The following DUSP10 variants were observed in gnomAD, a reference collection of about 807,000 sequenced individuals.
DUSP10 encodes the protein dual specificity phosphatase 10, also known as dual specificity protein phosphatase 10.
In DUSP10, 14 loss-of-function variants were observed where a neutral mutation model predicts 30.8. The observed-to-expected ratio is 0.46, with a 90% CI of 0.30 to 0.71. The LOEUF is 0.71. Ranked by LOEUF, DUSP10 falls within the 30% of genes least tolerant of loss-of-function variation. The pLI is 0.08. For synonymous variants in DUSP10, 254 were observed against 250.4 expected, an observed-to-expected ratio of 1.01 and a Z score of -0.14; for missense variants, 550 against 619.4, an observed-to-expected ratio of 0.89 and a Z score of 1.19.
At chr1:221,737,547 C>T in intron 2 of DUSP10, 6 of 778,262 alleles carry the variant, frequency 7.7e-6, no homozygotes, top group Non-Finnish European at 9.4e-6. Context: ...ACCACCACGA[C>T]CAGGAAATGT....
At chr1:221,707,002 A>G (rs1268812558) in intron 2 of DUSP10, among the ~76,000 whole-genome samples, 1 of 152,188 alleles carries the variant, frequency 6.6e-6, no homozygotes, top group African/African-American at 2.4e-5. Context: ...GGTTATCTTG[A>G]TTATAATCTG....
At chr1:221,727,749 T>C (rs188577668) in intron 2 of DUSP10, among the ~76,000 whole-genome samples, 57 of 152,322 alleles carry the variant, frequency 3.7e-4, no homozygotes, top group African/African-American at 1.3e-3. Context: ...TGATTACTTT[T>C]ATATTTCAGA....
At chr1:221,740,068 C>G (rs1280809201) in intron 1 of DUSP10, among the ~76,000 whole-genome samples, 1 of 152,164 alleles carries the variant, frequency 6.6e-6, no homozygotes, top group African/African-American at 2.4e-5. Flanking sequence ...AAAAGTTCAG[C>G]TGTAGAGAAG....
chr1:221,718,671 C>T (rs1661189717), intron 2 of DUSP10, among the ~76,000 whole-genome samples: 1 of 152,140 alleles, frequency 6.6e-6, no homozygotes, highest in Non-Finnish European at 1.5e-5. Flanking sequence ...GAGGAAAGCC[C>T]AGTAAAGCTA....
chr1:221,705,542 G>A (rs900683198), intron 3 of DUSP10, among the ~76,000 whole-genome samples: 7 of 152,038 alleles, frequency 4.6e-5, no homozygotes, highest in Admixed American at 2.6e-4. Context: ...GAACTACTCC[G>A]TCTACACAAC....
At chr1:221,717,289 G>A (rs530628181) in intron 2 of DUSP10, among the ~76,000 whole-genome samples, 18 of 152,224 alleles carry the variant, frequency 1.2e-4, no homozygotes, top group Middle Eastern at 3.4e-3. Flanking sequence ...GGCAAGAGGC[G>A]GGTGAGGAGA....
chr1:221,715,653 T>A (rs941072558), intron 2 of DUSP10, among the ~76,000 whole-genome samples: 12 of 152,230 alleles, frequency 7.9e-5, no homozygotes, highest in African/African-American at 2.9e-4. Context: ...ATCTGTTACC[T>A]CATTTATTTA....
chr1:221,709,265 G>A (rs1571809489), intron 2 of DUSP10, among the ~76,000 whole-genome samples: 1 of 152,172 alleles, frequency 6.6e-6, no homozygotes, highest in Middle Eastern at 3.4e-3. Flanking sequence ...GGGAGCCAAT[G>A]ATGTAATGCT....
At chr1:221,716,368 T>C (rs1472054267) in intron 2 of DUSP10, among the ~76,000 whole-genome samples, 2 of 152,264 alleles carry the variant, frequency 1.3e-5, no homozygotes, top group South Asian at 2.1e-4. Flanking sequence ...GTTGTGGGCA[T>C]AGTTGACTTC....
intron 2 of DUSP10, among the ~76,000 whole-genome samples, chr1:221,731,585 AAGGCT>A (rs1325099131): frequency 1.3e-5 from 2 of 151,566 alleles, no homozygotes; most frequent in Non-Finnish European, 2.9e-5. Context: ...ATATTTAGAA[AAGGCT>A]AGGCTATTTC....
Position 221,708,031 on chromosome 1 carries a change from A to G in DUSP10, c.812-1565T>C, listed in dbSNP as rs116066599. Among the ~76,000 whole-genome samples, 597 of 152,360 alleles carry G rather than the reference A, an allele frequency of 3.9e-3. 4 individuals carry two copies. Among genetic ancestry groups the G allele is most frequent in the African/African-American group, 0.014 (584 of 41,578 alleles). On this transcript the variant is annotated intron_variant, in intron 2 of 3. Transcript: ENST00000366899. ...TAAGTGCTATAAAATCTGGATTGAC[A>G]TTATTAGTGCCAACTGAGCTCTAAC...
At chr1:221,736,246 G>A (rs535097597) in intron 2 of DUSP10, among the ~76,000 whole-genome samples, 46 of 152,210 alleles carry the variant, frequency 3.0e-4, no homozygotes, top group African/African-American at 1.1e-3. Context: ...GGACAGGGAG[G>A]GTAGCAACCA....
intron 2 of DUSP10, among the ~76,000 whole-genome samples, chr1:221,729,774 C>A (rs977683883): frequency 1.3e-5 from 2 of 152,166 alleles, no homozygotes; most frequent in African/African-American, 4.8e-5. Flanking sequence ...TAAAATATCA[C>A]CTCATGAGAA....
At chr1:221,714,226 T>C (rs761128411) in intron 2 of DUSP10, among the ~76,000 whole-genome samples, 3 of 152,210 alleles carry the variant, frequency 2.0e-5, no homozygotes, top group African/African-American at 4.8e-5. Flanking sequence ...TTTGGTATCA[T>C]AGTGATACAG....
Position 221,741,779 on chromosome 1 carries a change from C to T in DUSP10, c.-44+202G>A, listed in dbSNP as rs181413546. ...AGTAAACGCACAGGGTAGCAGGAGC[C>T]AACGGCCGGAACCTTATAACCCTAC... On this transcript the variant is annotated intron_variant, in intron 1 of 3. Coordinates refer to ENST00000366899, the MANE Select transcript of DUSP10 (RefSeq NM_007207.6). Among the ~76,000 whole-genome samples the T allele has an allele frequency of 5.3e-3, 810 of 152,254 alleles. 3 individuals are homozygous for T. The highest frequency in any genetic ancestry group is 0.019 in the African/African-American group (780 of 41,546).
chr1:221,716,734 C>T (rs898631093), intron 2 of DUSP10, among the ~76,000 whole-genome samples: 20 of 152,154 alleles, frequency 1.3e-4, no homozygotes, highest in Admixed American at 1.1e-3. Flanking sequence ...CAAGTTCCAG[C>T]CCCCATGTTC....
Position 221,724,190 on chromosome 1 carries a change from T to C in DUSP10, c.811+14744A>G, listed in dbSNP as rs190950493. ...GCTCTGGAGTCAGGCAGGTCTGAATTTGGCATTGTGCTGTGAGACCTTGGG... is the reference window on the plus strand; with the variant it reads ...GCTCTGGAGTCAGGCAGGTCTGAATCTGGCATTGTGCTGTGAGACCTTGGG... On this transcript the variant is annotated intron_variant, in intron 2 of 3. Coordinates refer to ENST00000366899, the MANE Select transcript of DUSP10 (RefSeq NM_007207.6). Among the ~76,000 whole-genome samples, 4 of 152,322 alleles carry C rather than the reference T, an allele frequency of 2.6e-5. No homozygotes were observed. In the East Asian group the frequency reaches 7.7e-4, roughly 29 times the overall value.
intron 2 of DUSP10, among the ~76,000 whole-genome samples, chr1:221,714,393 G>C (rs1421074956): frequency 6.6e-6 from 1 of 152,200 alleles, no homozygotes; most frequent in Non-Finnish European, 1.5e-5. Flanking sequence ...GCTCGCACGT[G>C]TGGATGCCAG....
intron 2 of DUSP10, among the ~76,000 whole-genome samples, chr1:221,714,469 C>T (rs953914930): frequency 2.1e-4 from 32 of 152,140 alleles, no homozygotes; most frequent in African/African-American, 7.5e-4. Flanking sequence ...TCTCTGCCGG[C>T]CACGTGTACA....
Sources: allele counts gnomAD v4.1 joint callset (sites outside exome capture counted in the v4.1 genomes callset), GRCh38; gene constraint gnomAD v4.1.1; transcripts MANE v1.5; gene names NCBI Gene and HGNC (gene_info 2026-07-23, HGNC 2026-07-21).